Variants in SRRM3 observed in about 807,000 individuals in gnomAD.
SRRM3 encodes the protein serine/arginine repetitive matrix 3, also known as serine/arginine repetitive matrix protein 3.
SRRM3 carries 27 observed loss-of-function variants against 66.2 expected under a neutral mutation model. The ratio of observed to expected loss-of-function variants is 0.41; its 90% CI spans 0.30 to 0.56. SRRM3 has a LOEUF of 0.56. Among genes scored for constraint, SRRM3 ranks in the 20% least tolerant of loss-of-function variants. The probability of loss-of-function intolerance (pLI) is 0.32; values close to 1 mark genes in which losing one functional copy is unlikely to be tolerated. For synonymous variants in SRRM3, 391 were observed against 414.9 expected (o/e 0.94, Z 0.70); for missense variants, 918 against 991.9 (o/e 0.93, Z 1.00).
chr7:76,223,220 G>C (rs914613827), intron 1 of SRRM3, among the ~76,000 whole-genome samples: 1 of 152,148 alleles, frequency 6.6e-6, no homozygotes, highest in Non-Finnish European at 1.5e-5. Flanking sequence ...CTGAATGAAT[G>C]ACCCAACCCT....
chr7:76,246,613 A>G (rs558712363), intron 2 of SRRM3, among the ~76,000 whole-genome samples: 1 of 152,292 alleles, frequency 6.6e-6, no homozygotes, highest in South Asian at 2.1e-4. Flanking sequence ...GTATAGGTGT[A>G]CACAAGTGTA....
intron 3 of SRRM3, among the ~76,000 whole-genome samples, chr7:76,255,434 C>A (rs1554607580): frequency 6.6e-6 from 1 of 152,032 alleles, no homozygotes; most frequent in Non-Finnish European, 1.5e-5. Context: ...TAGGCATGAG[C>A]CACCACGCCC....
intron 6 of SRRM3, 123 bp downstream of exon 6, chr7:76,261,026 A>G: frequency 2.8e-6 from 3 of 1,079,416 alleles, no homozygotes; most frequent in South Asian, 1.6e-5. Context: ...GACACTGCCA[A>G]GGTGCAAGTT....
intron 1 of SRRM3, among the ~76,000 whole-genome samples, chr7:76,224,269 C>T (rs1405046195): frequency 2.0e-5 from 3 of 148,780 alleles, no homozygotes; most frequent in East Asian, 2.0e-4. Flanking sequence ...TAGTAGAGAC[C>T]GGGTTTCACC....
rs182588662 is a variant in SRRM3 at position 76,283,117 on chromosome 7, G to A, written c.1733+16G>A. The A allele has an allele frequency of 9.2e-6, 13 of 1,415,934 alleles. No individual in the cohort carries two copies. The highest frequency in any genetic ancestry group is 8.1e-5 in the Admixed American group (3 of 37,006). 87.7% of individuals were successfully genotyped at this position (1,415,934 alleles called of 1,614,324 possible). ...GCATCACCAGGTATGGAGGGTCTTG[G>A]GGGGGCCGGTGGCGCAGGGCTGGGG... On this transcript the variant is annotated intron_variant, in intron 14 of 14. Coordinates refer to ENST00000611745, the MANE Select transcript of SRRM3 (RefSeq NM_001110199.3).
Position 76,259,834 on chromosome 7 carries a change from C to CT in SRRM3, c.336-72_336-71insT, listed in dbSNP as rs1801807468. ...CGCAGACTTGCGGGGCTAGGTCAGG[C>CT]CCCCTGCGCCGAGAAAAGGGGTGAA... On this transcript the variant is annotated intron_variant, in intron 3 of 14. Coordinates refer to ENST00000611745, the MANE Select transcript of SRRM3 (RefSeq NM_001110199.3). The CT allele has an allele frequency of 2.0e-5, 31 of 1,529,896 alleles. No individual in the cohort carries two copies. In the South Asian group the frequency reaches 3.4e-4, roughly 17 times the overall value. The allele number at this position is 1,529,896 out of a possible 1,614,324, so 94.8% of individuals were successfully genotyped here.
At chr7:76,228,646 C>T (rs1349616080) in intron 1 of SRRM3, among the ~76,000 whole-genome samples, 5 of 152,072 alleles carry the variant, frequency 3.3e-5, no homozygotes, top group African/African-American at 1.2e-4. Flanking sequence ...ATCATGTGAA[C>T]CTGAGAGGCG....
chr7:76,261,161 C>T (rs1422892522), intron 6 of SRRM3, among the ~76,000 whole-genome samples, 191 bp from the exon 7 acceptor site: 1 of 151,938 alleles, frequency 6.6e-6, no homozygotes, highest in South Asian at 2.1e-4. Flanking sequence ...ACATAGGCAG[C>T]GCCATCAACT....
intron 1 of SRRM3, among the ~76,000 whole-genome samples, chr7:76,217,816 C>T (rs782246637): frequency 6.6e-6 from 1 of 152,166 alleles, no homozygotes; most frequent in Non-Finnish European, 1.5e-5. Context: ...AGCAGAATAT[C>T]GTAAGAGGAA....
intron 1 of SRRM3, among the ~76,000 whole-genome samples, chr7:76,232,836 A>G (rs782348082): frequency 6.6e-6 from 1 of 152,044 alleles, no homozygotes; most frequent in South Asian, 2.1e-4. Context: ...AGGGCATGAC[A>G]TGGTCTAATT....
At chr7:76,227,224 A>C (rs1800895482) in intron 1 of SRRM3, among the ~76,000 whole-genome samples, 1 of 152,026 alleles carries the variant, frequency 6.6e-6, no homozygotes, top group Admixed American at 6.6e-5. Flanking sequence ...AAGACTTCCC[A>C]TGTGCTGCTC....
chr7:76,271,006 C>T (rs1356978846), intron 11 of SRRM3, among the ~76,000 whole-genome samples: 11 of 151,912 alleles, frequency 7.2e-5, no homozygotes, highest in African/African-American at 2.7e-4. Flanking sequence ...GATCTCGAGA[C>T]TGAGGCCAGT....
At chr7:76,222,214 GAGACAAACT>G (rs1309664799) in intron 1 of SRRM3, among the ~76,000 whole-genome samples, 1 of 152,040 alleles carries the variant, frequency 6.6e-6, no homozygotes, top group Non-Finnish European at 1.5e-5. Context: ...CCAGGAGTTA[GAGACAAACT>G]AGTGAGACCC....
chr7:76,231,975 G>A (rs1420347950), intron 1 of SRRM3, among the ~76,000 whole-genome samples: 1 of 152,142 alleles, frequency 6.6e-6, no homozygotes, highest in African/African-American at 2.4e-5. Flanking sequence ...TAAGAGGCTG[G>A]GTGTTGGTTG....
Position 76,282,766 on chromosome 7 carries a change from C to T in SRRM3, c.1489C>T (p.Arg497Cys). 6.8e-7 allele frequency: 1 copy of T among 1,465,166 alleles called. No individual in the cohort carries two copies. The highest frequency in any genetic ancestry group is 9.0e-7 in the Non-Finnish European group (1 of 1,114,376). The allele number at this position is 1,465,166 out of a possible 1,614,324, so 90.8% of individuals were successfully genotyped here. A position where few individuals can be genotyped will look rare whatever the true frequency, so the allele number is the denominator to read the frequency against. Residue 497 changes from arginine to cysteine, a missense_variant, in exon 13 of 15, where the codon CGC becomes TGC. Physicochemically the swap from Arg to Cys is radical, Grantham distance 180 (BLOSUM62 -3). Transcript: ENST00000611745. ...SSSRSPGPHP[R>C]SWSSSRSPSK... ...GTCGCGCAGCCCCGGCCCGCACCCC[C>T]GCTCCTGGAGCTCCAGCCGCTCGCC...
At chr7:76,241,860 A>G (rs1043829621) in intron 2 of SRRM3, among the ~76,000 whole-genome samples, 3 of 152,236 alleles carry the variant, frequency 2.0e-5, no homozygotes, top group Non-Finnish European at 2.9e-5. Flanking sequence ...AAAGTGATGT[A>G]AATACATCAC....
intron 1 of SRRM3, among the ~76,000 whole-genome samples, chr7:76,217,346 G>A (rs1262762428): frequency 1.3e-5 from 2 of 152,128 alleles, no homozygotes. Context: ...GTGCAATGGT[G>A]TAATCTCTGC....
At chr7:76,203,007 T>G (rs542006203) in intron 1 of SRRM3, among the ~76,000 whole-genome samples, 5 of 152,302 alleles carry the variant, frequency 3.3e-5, no homozygotes, top group African/African-American at 1.2e-4. Context: ...ATCGGGGGCT[T>G]GAGCTGGTCT....
intron 6 of SRRM3, 77 bp downstream of exon 6, chr7:76,260,980 G>A (rs933656528): frequency 1.4e-6 from 2 of 1,471,748 alleles, no homozygotes; most frequent in Non-Finnish European, 1.8e-6. Context: ...CCATCCCCCA[G>A]AGGCCGGAGG....
Sources: gnomAD v4.1 joint callset for allele counts (sites outside exome capture counted in the v4.1 genomes callset) on GRCh38, gnomAD v4.1.1 for gene constraint, MANE v1.5 for transcripts, NCBI Gene and HGNC (gene_info 2026-07-23, HGNC 2026-07-21) for gene names.